The following SCAF11 variants were observed in gnomAD, a reference collection of about 807,000 sequenced individuals.
The protein encoded by SCAF11 is protein SCAF11.
Under a neutral mutation model 140.5 loss-of-function variants are expected in SCAF11, and 47 were observed. The observed-to-expected ratio is 0.33, with a 90% CI of 0.26 to 0.43. The LOEUF is 0.43. SCAF11 is among the 20% of genes least tolerant of loss of function. The pLI, the probability that SCAF11 is intolerant of heterozygous loss-of-function variation, is 1.00. For missense variants in SCAF11, 1,645 were observed against 1,705.1 expected, an observed-to-expected ratio of 0.96 and a Z score of 0.62; for synonymous variants, 557 against 579.4, an observed-to-expected ratio of 0.96 and a Z score of 0.55.
chr12:45,937,560 G>A (rs1945197660), intron 6 of SCAF11, among the ~76,000 whole-genome samples: 1 of 132,708 alleles, frequency 7.5e-6, no homozygotes, highest in Non-Finnish European at 1.7e-5. Context: ...GAGCCTTTCA[G>A]CTAATGTGTT....
intron 3 of SCAF11, chr12:45,955,961 G>T (rs1202744972): frequency 3.2e-6 from 2 of 626,086 alleles, no homozygotes; most frequent in Admixed American, 2.5e-5. Flanking sequence ...TAAGGTTGTT[G>T]TATCAGTTAA....
At chr12:45,953,431 C>T (rs1945597262) in intron 3 of SCAF11, among the ~76,000 whole-genome samples, 1 of 152,136 alleles carries the variant, frequency 6.6e-6, no homozygotes, top group Admixed American at 6.5e-5. Flanking sequence ...GTAATGCCAA[C>T]ACTTTGAGAG....
chr12:45,957,633 G>A (rs1945722766), intron 3 of SCAF11, among the ~76,000 whole-genome samples: 1 of 151,988 alleles, frequency 6.6e-6, no homozygotes, highest in African/African-American at 2.4e-5. Context: ...AAAATGGAGG[G>A]AGAATAATCT....
At chr12:45,958,218 T>G (rs1406632432) in intron 3 of SCAF11, among the ~76,000 whole-genome samples, 1 of 152,202 alleles carries the variant, frequency 6.6e-6, no homozygotes, top group Non-Finnish European at 1.5e-5. Flanking sequence ...AAATCCCATT[T>G]ACTTAACCTG....
chr12:45,950,425 G>A (rs1477864717), intron 4 of SCAF11, among the ~76,000 whole-genome samples: 2 of 152,160 alleles, frequency 1.3e-5, no homozygotes, highest in Non-Finnish European at 2.9e-5. Context: ...AAACTTTTAA[G>A]TAAAATACAA....
chr12:45,990,567 C>A lies in SCAF11; in HGVS notation c.-236G>T. Reference sequence around the variant, plus strand: ...CGCTGCTCCGCGCGGCTTAAGCCACCGCTACTCCCCCTTCCCCCGCCTTGT... The same window carrying A: ...CGCTGCTCCGCGCGGCTTAAGCCACAGCTACTCCCCCTTCCCCCGCCTTGT... On this transcript the variant is annotated 5_prime_UTR_variant, in exon 1 of 15. Coordinates refer to ENST00000369367, the MANE Select transcript of SCAF11 (RefSeq NM_004719.3). 1 of 1,230,874 alleles carries A rather than the reference C, an allele frequency of 8.1e-7. No individual in the cohort carries two copies. The highest frequency in any genetic ancestry group is 1.0e-6 in the Non-Finnish European group (1 of 987,528). The allele number at this position is 1,230,874 out of a possible 1,614,324, so 76.2% of individuals were successfully genotyped here.
In SCAF11 at chr12:45,928,494, T is replaced by C. The variant is rs747961171; in HGVS notation, c.1207A>G (p.Asn403Asp). Residue 403 changes from asparagine to aspartate, a missense_variant, in exon 11 of 15, where the codon AAT becomes GAT. Coordinates refer to ENST00000369367, the MANE Select transcript of SCAF11 (RefSeq NM_004719.3). ...GCTGTTTCTTCATCTACTGAATCATTGGAAGATGATTTTTCAGGGGCAGCT... is the reference window on the plus strand; with the variant it reads ...GCTGTTTCTTCATCTACTGAATCATCGGAAGATGATTTTTCAGGGGCAGCT... ...SVAAPEKSSS[N>D]DSVDEETAES... is the part of the protein sequence containing the mutation. 2 of 1,613,524 alleles carry C rather than the reference T, an allele frequency of 1.2e-6. No individual in the cohort carries two copies. Among genetic ancestry groups the C allele is most frequent in the Non-Finnish European group, 1.7e-6 (2 of 1,179,768 alleles).
Position 45,974,371 on chromosome 12 carries a change from C to T in SCAF11, c.-21-10183G>A, listed in dbSNP as rs557099316. ...TGAGATAACATTCAAGTATGCCACA[C>T]TGACACTCCTTTCACAAAAAATTTC... On this transcript the variant is annotated intron_variant, in intron 1 of 14. Transcript: ENST00000369367. The T allele has an allele frequency of 2.2e-4, 81 of 363,856 alleles. 1 individual carries two copies. Among genetic ancestry groups the T allele is most frequent in the South Asian group, 1.5e-3 (76 of 49,218 alleles). The allele number at this position is 363,856 out of a possible 1,614,324, so 22.5% of individuals were successfully genotyped here.
chr12:45,970,870 T>G (rs935398265), intron 1 of SCAF11, among the ~76,000 whole-genome samples: 1 of 152,256 alleles, frequency 6.6e-6, no homozygotes, highest in Non-Finnish European at 1.5e-5. Flanking sequence ...AGAACGTCTC[T>G]AAAATTCTCG....
chr12:45,934,440 A>C lies in SCAF11; in HGVS notation c.522+7T>G. 1 of 1,587,212 alleles carries C rather than the reference A, an allele frequency of 6.3e-7. No homozygotes were observed. The highest frequency in any genetic ancestry group is 8.6e-7 in the Non-Finnish European group (1 of 1,169,492). ...TAAGAAAAAGATTTTTCTTGGTTTC[A>C]ACAAACCTTATTTATCTTTATTGCT... On this transcript the variant is annotated splice_region_variant and intron_variant, in intron 7 of 14. Transcript: ENST00000369367.
At chr12:45,940,457 G>A (rs1179998570) in intron 6 of SCAF11, among the ~76,000 whole-genome samples, 3 of 152,160 alleles carry the variant, frequency 2.0e-5, no homozygotes, top group African/African-American at 7.2e-5. Context: ...ATCATGCTTT[G>A]GTATTATTTT....
chr12:45,954,594 G>C (rs1266492185), intron 3 of SCAF11: 1 of 149,642 alleles, frequency 6.7e-6, no homozygotes, highest in African/African-American at 2.5e-5. Context: ...TTTTAACACA[G>C]GGTTTCACTC....
At chr12:45,965,367 C>T (rs1472614703) in intron 1 of SCAF11, among the ~76,000 whole-genome samples, 1 of 152,038 alleles carries the variant, frequency 6.6e-6, no homozygotes, top group South Asian at 2.1e-4. Context: ...GAGACAATAT[C>T]CTGGCCTAAA....
intron 1 of SCAF11, among the ~76,000 whole-genome samples, chr12:45,987,303 T>C (rs780224708): frequency 2.6e-5 from 4 of 152,184 alleles, no homozygotes; most frequent in Non-Finnish European, 5.9e-5. Flanking sequence ...CCCACATGCA[T>C]GGATATAAGT....
intron 1 of SCAF11, among the ~76,000 whole-genome samples, chr12:45,987,931 T>C (rs1946496760): frequency 6.6e-6 from 1 of 152,194 alleles, no homozygotes. Context: ...TTTTTATGTG[T>C]CTATGTACTA....
intron 3 of SCAF11, among the ~76,000 whole-genome samples, chr12:45,958,613 T>C (rs1025384434): frequency 9.9e-5 from 15 of 152,174 alleles, no homozygotes; most frequent in African/African-American, 3.6e-4. Flanking sequence ...AATCAACAGG[T>C]TTACCATCTA....
At position 45,920,414 on chromosome 12, in the gene SCAF11, A is replaced by T. The variant is rs1240440616; in HGVS notation, c.*1634T>A. The T allele has an allele frequency of 6.6e-6, 1 of 152,304 alleles. No individual in the cohort carries two copies. The highest frequency in any genetic ancestry group is 2.4e-5 in the African/African-American group (1 of 41,458). 9.4% of individuals were successfully genotyped at this position (152,304 alleles called of 1,614,324 possible). ...AAAGGTCAGTTTATCTCACTGAGGCATGTATCTCCTTGGATCTATTAACTT... is the reference window on the plus strand; with the variant it reads ...AAAGGTCAGTTTATCTCACTGAGGCTTGTATCTCCTTGGATCTATTAACTT... On this transcript the variant is annotated 3_prime_UTR_variant, in exon 15 of 15. Coordinates refer to ENST00000369367, the MANE Select transcript of SCAF11 (RefSeq NM_004719.3).
chr12:45,947,992 TACATTGCTGA>T (rs1412507712), intron 5 of SCAF11, among the ~76,000 whole-genome samples: 3 of 152,204 alleles, frequency 2.0e-5, no homozygotes, highest in Non-Finnish European at 4.4e-5. Flanking sequence ...TCAGAAATTT[TACATTGCTGA>T]ACATTTTATT....
rs1318872266 is a variant in SCAF11, at chr12:45,928,402, A to G, written c.1299T>C (p.Cys433=). ...GGTTTTCTACATGAGTCTGCACAGT[A>G]CAAATGTTACTACTGTCTACATCTG... is the stretch of plus-strand genomic sequence containing the variant. ...HQPDVDSSNI[C]TVQTHVENQS... is the part of the protein sequence containing the mutation. The change falls in exon 11 of 15, where the codon TGT becomes TGC. Residue 433 remains cysteine, a synonymous_variant. Coordinates refer to ENST00000369367, the MANE Select transcript of SCAF11 (RefSeq NM_004719.3). 2.5e-6 allele frequency: 4 copies of G among 1,613,804 alleles called. No individual in the cohort carries two copies. Among genetic ancestry groups the G allele is most frequent in the Non-Finnish European group, 3.4e-6 (4 of 1,179,814 alleles).
Sources: allele counts gnomAD v4.1 joint callset (sites outside exome capture counted in the v4.1 genomes callset), GRCh38; gene constraint gnomAD v4.1.1; transcripts MANE v1.5; gene names NCBI Gene and HGNC (gene_info 2026-07-23, HGNC 2026-07-21).